The following ELAPOR2 variants were observed in gnomAD, a reference collection of about 807,000 sequenced individuals.
ELAPOR2 encodes endosome/lysosome-associated apoptosis and autophagy regulator family member 2.
ELAPOR2 carries 89 observed loss-of-function variants against 120.7 expected under a neutral mutation model. That is an observed-to-expected ratio of 0.74 (90% CI 0.62 to 0.88). The LOEUF is 0.88. Ranked by LOEUF, ELAPOR2 falls within the 40% of genes least tolerant of loss-of-function variation. The probability of loss-of-function intolerance (pLI) is 0.00; values close to 1 mark genes in which losing one functional copy is unlikely to be tolerated. For missense variants in ELAPOR2, 1,134 were observed against 1,251.6 expected (o/e 0.91, Z 1.42); for synonymous variants, 444 against 444.9 (o/e 1.00, Z 0.03).
rs538635374 is a variant in ELAPOR2 at position 86,978,563 on chromosome 7, C to T, written c.190-13539G>A. 2.0e-5 allele frequency among the ~76,000 whole-genome samples: 3 copies of T among 152,272 alleles called. No homozygotes were observed. The East Asian group carries it at 5.8e-4, about 29-fold the overall frequency. Reference sequence around the variant, plus strand: ...AACATTTTCTCAGTGCTCTCAGGCCCTTCTCCATGATTCACTGCAGAAACT... The same window carrying T: ...AACATTTTCTCAGTGCTCTCAGGCCTTTCTCCATGATTCACTGCAGAAACT... On this transcript the variant is annotated intron_variant, in intron 1 of 21. Coordinates refer to ENST00000450689, the MANE Select transcript of ELAPOR2 (RefSeq NM_001142749.3).
Position 86,878,702 on chromosome 7 carries a change from A to G in ELAPOR2, c.*1769T>C, listed in dbSNP as rs1799262889. The G allele has an allele frequency of 6.6e-6, 1 of 152,204 alleles. No individual in the cohort carries two copies. The highest frequency in any genetic ancestry group is 6.5e-5 in the Admixed American group (1 of 15,268). The allele number at this position is 152,204 out of a possible 1,614,324, so 9.4% of individuals were successfully genotyped here. On this transcript the variant is annotated 3_prime_UTR_variant, in exon 22 of 22. Coordinates refer to ENST00000450689, the MANE Select transcript of ELAPOR2 (RefSeq NM_001142749.3). ...TGTTTAAATTTTGATCAAAATGCAG[A>G]CATGCTCATAAGCACTCTGTTGGCA...
chr7:86,886,350 C>T (rs1799687920), intron 21 of ELAPOR2, among the ~76,000 whole-genome samples: 1 of 151,940 alleles, frequency 6.6e-6, no homozygotes, highest in Admixed American at 6.6e-5. Context: ...CCCAAACTAA[C>T]AGGCTATGTT....
intron 1 of ELAPOR2, among the ~76,000 whole-genome samples, chr7:87,011,618 T>A (rs1793683091): frequency 6.6e-6 from 1 of 152,258 alleles, no homozygotes. Flanking sequence ...CAGCCTTGTT[T>A]ATCCAGCTTT....
At chr7:87,047,275 G>A (rs1001390118) in intron 1 of ELAPOR2, among the ~76,000 whole-genome samples, 8 of 152,114 alleles carry the variant, frequency 5.3e-5, no homozygotes, top group African/African-American at 1.7e-4. Context: ...TATTGGTCTG[G>A]GCAAAAATTT....
In ELAPOR2 at chr7:86,892,917, C is replaced by A. The variant is rs1276135832; in HGVS notation, c.2864+5G>T. The A allele has an allele frequency of 6.5e-7, 1 of 1,528,324 alleles. No homozygotes were observed. The highest frequency in any genetic ancestry group is 2.5e-5 in the East Asian group (1 of 40,476). 94.7% of individuals were successfully genotyped at this position (1,528,324 alleles called of 1,614,324 possible). A position where few individuals can be genotyped will look rare whatever the true frequency, so the allele number is the denominator to read the frequency against. On this transcript the variant is annotated splice_donor_5th_base_variant and intron_variant, in intron 20 of 21. Coordinates refer to ENST00000450689, the MANE Select transcript of ELAPOR2 (RefSeq NM_001142749.3). ...TCTCTTGTGATCATCTCAGAGGGTA[C>A]TTACTTTTGATTCTTTTTCCAGAAG...
chr7:86,886,007 T>C (rs1799671862), intron 21 of ELAPOR2, among the ~76,000 whole-genome samples: 2 of 152,096 alleles, frequency 1.3e-5, no homozygotes, highest in Admixed American at 6.6e-5. Context: ...ACAAGTTCCT[T>C]TACCTTCTGA....
At chr7:87,011,302 T>G (rs933921923) in intron 1 of ELAPOR2, among the ~76,000 whole-genome samples, 3 of 145,050 alleles carry the variant, frequency 2.1e-5, no homozygotes, top group African/African-American at 5.1e-5. Flanking sequence ...CCACAAAACA[T>G]GTTTGCAAAT....
intron 3 of ELAPOR2, 115 bp downstream of exon 3, chr7:86,947,612 G>T: frequency 1.1e-6 from 1 of 905,814 alleles, no homozygotes; most frequent in South Asian, 1.9e-5. Flanking sequence ...TTTGCAATTA[G>T]CTTATCTATC....
chr7:86,952,660 A>G (rs796779989), intron 2 of ELAPOR2, among the ~76,000 whole-genome samples: 18 of 152,340 alleles, frequency 1.2e-4, no homozygotes, highest in African/African-American at 4.1e-4. Context: ...TCTATCTTCC[A>G]TAAGTCTAAT....
intron 18 of ELAPOR2, among the ~76,000 whole-genome samples, chr7:86,905,935 G>A (rs769354246): frequency 6.6e-6 from 1 of 152,136 alleles, no homozygotes; most frequent in African/African-American, 2.4e-5. Flanking sequence ...ACATGCCATC[G>A]CTTAACTCCA....
chr7:87,038,260 G>A (rs1584027867), intron 1 of ELAPOR2, among the ~76,000 whole-genome samples: 2 of 152,062 alleles, frequency 1.3e-5, no homozygotes, highest in East Asian at 3.9e-4. Context: ...ATTCTTTTTG[G>A]AAATTAAGAT....
chr7:86,909,101 G>T (rs1789171675), intron 16 of ELAPOR2, among the ~76,000 whole-genome samples: 1 of 151,794 alleles, frequency 6.6e-6, no homozygotes, highest in Non-Finnish European at 1.5e-5. Flanking sequence ...AGCAAACTTT[G>T]CTTCAGAGTT....
chr7:87,046,229 G>C (rs1256195874), intron 1 of ELAPOR2, among the ~76,000 whole-genome samples: 2 of 151,990 alleles, frequency 1.3e-5, no homozygotes, highest in African/African-American at 4.8e-5. Context: ...AAATACCTAG[G>C]AATCAACTTA....
intron 18 of ELAPOR2, among the ~76,000 whole-genome samples, chr7:86,903,774 G>A (rs1788832195): frequency 6.6e-6 from 1 of 152,124 alleles, no homozygotes; most frequent in Non-Finnish European, 1.5e-5. Context: ...ACAATTTTAG[G>A]CTGATTTATA....
intron 1 of ELAPOR2, among the ~76,000 whole-genome samples, chr7:87,024,523 C>G (rs1453049086): frequency 6.6e-6 from 1 of 152,128 alleles, no homozygotes; most frequent in African/African-American, 2.4e-5. Context: ...GTCTAAAATT[C>G]TCTTTTTTTG....
chr7:86,881,357 CTTTT>C (rs773455638), intron 21 of ELAPOR2, among the ~76,000 whole-genome samples: 3 of 138,944 alleles, frequency 2.2e-5, no homozygotes, highest in Non-Finnish European at 3.2e-5. Flanking sequence ...CAAGCACGCC[CTTTT>C]TTTTTTTTTT....
chr7:86,948,862 A>T (rs1791115962), intron 2 of ELAPOR2, among the ~76,000 whole-genome samples: 1 of 152,196 alleles, frequency 6.6e-6, no homozygotes, highest in African/African-American at 2.4e-5. Context: ...TTTAATCAGG[A>T]TATTAAAGAA....
At chr7:87,057,793 CTACTT>C (rs1337101508) in intron 1 of ELAPOR2, among the ~76,000 whole-genome samples, 1 of 152,188 alleles carries the variant, frequency 6.6e-6, no homozygotes, top group Non-Finnish European at 1.5e-5. Flanking sequence ...TGACCTTCGC[CTACTT>C]CAAGCAGATT....
At chr7:86,940,262 C>A (rs1790748134) in intron 5 of ELAPOR2, 147 bp from the exon 6 acceptor site, 3 of 440,848 alleles carry the variant, frequency 6.8e-6, no homozygotes, top group Non-Finnish European at 1.2e-5. Context: ...TCTGACCTAA[C>A]CTCCGCTGAA....
Sources: allele counts gnomAD v4.1 joint callset (sites outside exome capture counted in the v4.1 genomes callset), GRCh38; gene constraint gnomAD v4.1.1; transcripts MANE v1.5; gene names NCBI Gene and HGNC (gene_info 2026-07-23, HGNC 2026-07-21).